The following DYDC1 variants were observed in gnomAD, a reference collection of about 807,000 sequenced individuals.
DYDC1 encodes the protein DPY30 domain-containing protein 1.
In DYDC1, 21 loss-of-function variants were observed where a neutral mutation model predicts 27.9. The observed-to-expected ratio is 0.75, with a 90% CI of 0.53 to 1.08. DYDC1 has a LOEUF of 1.08. Ranked by LOEUF, DYDC1 falls within the 50% of genes least tolerant of loss-of-function variation. DYDC1 has a pLI of 0.00. For synonymous variants in DYDC1, 67 were observed against 65.8 expected (o/e 1.02, Z -0.09); for missense variants, 202 against 205.9 (o/e 0.98, Z 0.12).
At chr10:80,340,683 T>C (rs937675646) in intron 4 of DYDC1, among the ~76,000 whole-genome samples, 9 of 152,232 alleles carry the variant, frequency 5.9e-5, no homozygotes, top group Non-Finnish European at 1.2e-4. Flanking sequence ...TGAATCTTTT[T>C]CAAAATTTCT....
At chr10:80,348,788 A>G (rs776231356) in intron 3 of DYDC1, among the ~76,000 whole-genome samples, 1 of 152,272 alleles carries the variant, frequency 6.6e-6, no homozygotes, top group East Asian at 1.9e-4. Flanking sequence ...TGCTTAATTT[A>G]AATTATACAC....
At chr10:80,344,948 T>G (rs747322982) in intron 3 of DYDC1, 5 of 154,082 alleles carry the variant, frequency 3.2e-5, no homozygotes, top group African/African-American at 9.6e-5. Flanking sequence ...GAAACACTGA[T>G]TCAATACAAC....
intron 6 of DYDC1, chr10:80,337,454 T>C (rs1193446409): frequency 1.0e-6 from 1 of 984,472 alleles, no homozygotes; most frequent in Admixed American, 6.1e-5. Context: ...GATTACTACC[T>C]CCTAAGCCAT....
intron 6 of DYDC1, chr10:80,337,226 C>A (rs1031408239): frequency 1.0e-6 from 1 of 985,474 alleles, no homozygotes; most frequent in Non-Finnish European, 1.2e-6. Context: ...TCTCCCTACT[C>A]TGTCCCTCAA....
chr10:80,353,802 T>C (rs1458808786), intron 1 of DYDC1, among the ~76,000 whole-genome samples: 1 of 152,092 alleles, frequency 6.6e-6, no homozygotes, highest in African/African-American at 2.4e-5. Context: ...AGACCCACAT[T>C]ACTTGGCATC....
chr10:80,352,815 T>C, intron 1 of DYDC1: 1 of 475,484 alleles, frequency 2.1e-6, no homozygotes, highest in Non-Finnish European at 3.3e-6. Flanking sequence ...ACAACTAACA[T>C]GGTTTCAAAA....
chr10:80,356,728 G>C lies in DYDC1; in HGVS notation c.-26C>G. On this transcript the variant is annotated 5_prime_UTR_variant, in exon 1 of 7. Transcript: ENST00000372202. ...TGCGCTCACCCCTACACACGCGCCT[G>C]CTCGCCACCCAGGAGCGGCGTCCCG... 1.0e-6 allele frequency: 1 copy of C among 985,348 alleles called. No individual in the cohort carries two copies. Among genetic ancestry groups the C allele is most frequent in the Non-Finnish European group, 1.2e-6 (1 of 829,882 alleles). 61.0% of individuals were successfully genotyped at this position (985,348 alleles called of 1,614,324 possible).
At chr10:80,337,213 G>A in intron 6 of DYDC1, 1 of 985,438 alleles carries the variant, frequency 1.0e-6, no homozygotes, top group Non-Finnish European at 1.2e-6. Flanking sequence ...CCCAGGTCAG[G>A]TCTCTCCCTA....
chr10:80,352,117 C>A (rs1015474340), intron 2 of DYDC1, 115 bp from the exon 3 acceptor site: 2 of 912,848 alleles, frequency 2.2e-6, no homozygotes, highest in East Asian at 2.4e-5. Flanking sequence ...CAAATTATAG[C>A]CCATCCCTGT....
intron 6 of DYDC1, chr10:80,337,512 G>A (rs965404387): frequency 6.8e-6 from 6 of 878,222 alleles, no homozygotes; most frequent in Non-Finnish European, 8.2e-6. Context: ...GTTACCAGAT[G>A]GTCTTTGCAA....
At position 80,353,441 on chromosome 10, in the gene DYDC1, C is replaced by T. The variant is rs1022844996; in HGVS notation, c.-9-831G>A. Among the ~76,000 whole-genome samples the T allele has an allele frequency of 3.3e-5, 5 of 150,968 alleles. No homozygotes were observed. The South Asian group carries it at 6.3e-4, about 19-fold the overall frequency. ...CCTCCCAAAGTGCTGGGATTACAGG[C>T]GTGAGCCACCGCGCCTGGCCGACCA... is the stretch of plus-strand genomic sequence containing the variant. On this transcript the variant is annotated intron_variant, in intron 1 of 6. Transcript: ENST00000372202.
At chr10:80,355,161 C>T (rs1455384241) in intron 1 of DYDC1, among the ~76,000 whole-genome samples, 1 of 151,406 alleles carries the variant, frequency 6.6e-6, no homozygotes, top group African/African-American at 2.4e-5. Context: ...TGAGGAAAGG[C>T]CCTGATATAG....
chr10:80,338,723 G>T, intron 5 of DYDC1, 152 bp from the exon 6 acceptor site: 1 of 807,032 alleles, frequency 1.2e-6, no homozygotes, highest in Non-Finnish European at 1.7e-6. Flanking sequence ...AATGACAAGA[G>T]AATTCTGGTA....
Position 80,345,310 on chromosome 10 carries a change from T to A in DYDC1, c.250-2949A>T, listed in dbSNP as rs115259080. ...GAATTTTTGAGCTCAGGGTCAAGAT[T>A]TAACTTTTTATTGTGTAAATTGAAG... On this transcript the variant is annotated intron_variant, in intron 3 of 6. Coordinates refer to ENST00000372202, the MANE Select transcript of DYDC1 (RefSeq NM_001269053.2). Among the ~76,000 whole-genome samples, 1,362 of 152,302 alleles carry A rather than the reference T, an allele frequency of 8.9e-3. 17 individuals carry two copies. The highest frequency in any genetic ancestry group is 0.031 in the African/African-American group (1,294 of 41,582).
rs1433332365 is a variant in DYDC1 at position 80,352,039 on chromosome 10, AGCG to A, written c.148-40_148-38del. On this transcript the variant is annotated intron_variant, in intron 2 of 6. Transcript: ENST00000372202. ...TAAAAACAACAGCACACGACTTCTT[AGCG>A]AGAAAGCAATTTGTAAAAGCAATCT... The A allele has an allele frequency of 1.3e-6, 2 of 1,595,926 alleles. 1 individual carries two copies. The highest frequency in any genetic ancestry group is 2.7e-5 in the African/African-American group (2 of 74,458).
chr10:80,339,058 A>G (rs186420528), intron 5 of DYDC1, 39 bp downstream of exon 5: 9 of 1,173,752 alleles, frequency 7.7e-6, no homozygotes, highest in Non-Finnish European at 9.5e-6. Flanking sequence ...AGGATACTCA[A>G]TTCATTTCAC....
chr10:80,343,846 A>G (rs1353621009), intron 3 of DYDC1, among the ~76,000 whole-genome samples: 1 of 152,106 alleles, frequency 6.6e-6, no homozygotes, highest in Non-Finnish European at 1.5e-5. Context: ...AATGTAAAAC[A>G]GAATTGGCTG....
chr10:80,337,156 C>G (rs1253105333), intron 6 of DYDC1: 3 of 985,360 alleles, frequency 3.0e-6, no homozygotes, highest in African/African-American at 1.7e-5. Context: ...CTGGGCTCAT[C>G]TCAGGCTAAT....
chr10:80,341,881 G>A (rs569922498), intron 4 of DYDC1, among the ~76,000 whole-genome samples: 6 of 151,834 alleles, frequency 4.0e-5, no homozygotes, highest in South Asian at 2.1e-4. Flanking sequence ...AAAATCAGCC[G>A]GGCGTGGTGG....
Sources: gnomAD v4.1 joint callset for allele counts (sites outside exome capture counted in the v4.1 genomes callset) on GRCh38, gnomAD v4.1.1 for gene constraint, MANE v1.5 for transcripts, NCBI Gene and HGNC (gene_info 2026-07-23, HGNC 2026-07-21) for gene names.